MMP26: variants seen among roughly 807,000 people sequenced by gnomAD.
MMP26 encodes matrix metalloproteinase-26.
In MMP26, 33 loss-of-function variants were observed where a neutral mutation model predicts 31.0. The ratio of observed to expected loss-of-function variants is 1.06; its 90% CI spans 0.81 to 1.42. The LOEUF is 1.42. Ranked by LOEUF, MMP26 falls within the 40% of genes most tolerant of loss-of-function variation. The pLI is 0.00. For missense variants in MMP26, 347 were observed against 316.1 expected (o/e 1.10, Z -0.74); for synonymous variants, 122 against 114.9 (o/e 1.06, Z -0.40).
At chr11:4,837,528 C>T (rs1849735203) in intron 2 of MMP26, among the ~76,000 whole-genome samples, 1 of 151,744 alleles carries the variant, frequency 6.6e-6, no homozygotes, top group African/African-American at 2.4e-5. Context: ...ATAAACAACC[C>T]AATAGAAAAA....
intron 2 of MMP26, among the ~76,000 whole-genome samples, chr11:4,770,345 G>A (rs1296267207): frequency 6.6e-6 from 1 of 152,204 alleles, no homozygotes; most frequent in Non-Finnish European, 1.5e-5. Flanking sequence ...GTGACCATAA[G>A]GGTATGAGTC....
intron 1 of MMP26, among the ~76,000 whole-genome samples, chr11:4,763,551 A>G: frequency 6.6e-6 from 1 of 152,234 alleles, no homozygotes; most frequent in Non-Finnish European, 1.5e-5. Context: ...ACTGAAGGGC[A>G]TGTGGATAAT....
chr11:4,776,569 A>G (rs1400981281), intron 2 of MMP26, among the ~76,000 whole-genome samples: 2 of 152,032 alleles, frequency 1.3e-5, no homozygotes, highest in African/African-American at 4.8e-5. Context: ...TGTGCCCCCT[A>G]CCTAAATCTC....
intron 1 of MMP26, among the ~76,000 whole-genome samples, chr11:4,727,978 C>T (rs1238994357): frequency 2.0e-5 from 3 of 152,122 alleles, no homozygotes; most frequent in Non-Finnish European, 4.4e-5. Context: ...AGAATATACT[C>T]ATGATCAGTT....
At chr11:4,890,661 T>C (rs1463173179) in intron 2 of MMP26, 3 of 152,132 alleles carry the variant, frequency 2.0e-5, no homozygotes, top group Non-Finnish European at 2.9e-5. Flanking sequence ...CCTGTGTTCA[T>C]TTCCCTCCTT....
At chr11:4,848,350 G>A (rs763278327) in intron 2 of MMP26, 2 of 1,614,000 alleles carry the variant, frequency 1.2e-6, no homozygotes, top group East Asian at 2.2e-5. Context: ...AGAAGGAAAT[G>A]GACATAGGAT....
intron 2 of MMP26, among the ~76,000 whole-genome samples, chr11:4,841,831 G>A (rs189528719): frequency 6.6e-6 from 1 of 152,296 alleles, no homozygotes; most frequent in Admixed American, 6.5e-5. Context: ...TACTCCGGAG[G>A]CTGAGGCAGG....
chr11:4,843,435 G>T (rs1849823541), intron 2 of MMP26, among the ~76,000 whole-genome samples: 1 of 152,164 alleles, frequency 6.6e-6, no homozygotes, highest in Admixed American at 6.5e-5. Context: ...ACACCCACAG[G>T]CCCAATACCA....
intron 1 of MMP26, among the ~76,000 whole-genome samples, chr11:4,741,716 G>A (rs187024028): frequency 4.6e-5 from 7 of 152,156 alleles, no homozygotes; most frequent in Admixed American, 2.0e-4. Context: ...CATAGCACAC[G>A]TATTCCTATG....
intron 2 of MMP26, among the ~76,000 whole-genome samples, chr11:4,839,939 GC>G (rs937306145): frequency 3.3e-5 from 5 of 151,934 alleles, no homozygotes; most frequent in Non-Finnish European, 7.4e-5. Context: ...CCAGAGGGGA[GC>G]CCACTGACCT....
intron 2 of MMP26, chr11:4,832,202 C>G (rs1849655704): frequency 5.3e-6 from 1 of 187,132 alleles, no homozygotes; most frequent in Admixed American, 4.7e-5. Context: ...AGGACTTGAG[C>G]ATGCACACAT....
chr11:4,863,963 C>T (rs931613238), intron 2 of MMP26, among the ~76,000 whole-genome samples: 16 of 152,092 alleles, frequency 1.1e-4, no homozygotes, highest in East Asian at 1.9e-4. Context: ...TGTGTATGCA[C>T]GCACACACAC....
chr11:4,872,273 A>T (rs1026661754), intron 2 of MMP26, among the ~76,000 whole-genome samples: 3 of 152,168 alleles, frequency 2.0e-5, no homozygotes, highest in Admixed American at 1.3e-4. Flanking sequence ...ACACACAAGG[A>T]TATTGCTTGT....
chr11:4,820,207 C>T (rs1849476441), intron 2 of MMP26, among the ~76,000 whole-genome samples: 1 of 152,190 alleles, frequency 6.6e-6, no homozygotes, highest in African/African-American at 2.4e-5. Context: ...GTTTCATCCT[C>T]ATTTCTTCTA....
rs763214870 is a variant in MMP26 at position 4,946,381 on chromosome 11, A to T, written c.-144-41687A>T. On this transcript the variant is annotated intron_variant, in intron 2 of 7. Transcript: ENST00000380390. ...CTGCACAGATGTGTGAAACACAAGT[A>T]TTGAGAGCCTTAAGCTGCTCCTTTT... The T allele has an allele frequency of 1.7e-5, 28 of 1,613,632 alleles. No homozygotes were observed. The highest frequency in any genetic ancestry group is 5.0e-5 in the Admixed American group (3 of 59,972).
At chr11:4,819,648 G>T (rs890521104) in intron 2 of MMP26, among the ~76,000 whole-genome samples, 14 of 120,556 alleles carry the variant, frequency 1.2e-4, no homozygotes, top group African/African-American at 4.5e-4. Context: ...ACACATTCAT[G>T]ACTCACTGCA....
intron 2 of MMP26, among the ~76,000 whole-genome samples, chr11:4,892,725 A>T (rs892190477): frequency 6.6e-6 from 1 of 152,068 alleles, no homozygotes; most frequent in Admixed American, 6.6e-5. Flanking sequence ...CTATATGAGG[A>T]TGTTCTCTGA....
At chr11:4,837,909 TA>T (rs1849740341) in intron 2 of MMP26, among the ~76,000 whole-genome samples, 1 of 151,962 alleles carries the variant, frequency 6.6e-6, no homozygotes, top group Non-Finnish European at 1.5e-5. Flanking sequence ...TAATTTTACA[TA>T]AAGTAAAATT....
At chr11:4,931,333 C>T (rs1010388973) in intron 2 of MMP26, among the ~76,000 whole-genome samples, 1 of 152,046 alleles carries the variant, frequency 6.6e-6, no homozygotes, top group Non-Finnish European at 1.5e-5. Flanking sequence ...GCCTCATATG[C>T]AGGTAGTGCC....
Sources: gnomAD v4.1 joint callset for allele counts (sites outside exome capture counted in the v4.1 genomes callset) on GRCh38, gnomAD v4.1.1 for gene constraint, MANE v1.5 for transcripts, NCBI Gene and HGNC (gene_info 2026-07-23, HGNC 2026-07-21) for gene names.